OR56A3: variants seen among roughly 807,000 people sequenced by gnomAD.
OR56A3 encodes olfactory receptor family 56 subfamily A member 3.
A neutral mutation model predicts 17.5 loss-of-function variants in OR56A3; 23 were observed. That is an observed-to-expected ratio of 1.32 (90% CI 0.95 to 1.87). The LOEUF (loss-of-function observed/expected upper bound fraction) is 1.87. Among genes scored for constraint, OR56A3 ranks in the 40% most tolerant of loss-of-function variants. The pLI is 0.00. For synonymous variants in OR56A3, 175 were observed against 150.6 expected (o/e 1.16, Z -1.19); for missense variants, 366 against 380.1 (o/e 0.96, Z 0.31).
chr11:5,978,251 A>G, the OR56A3 span, among the ~76,000 whole-genome samples: 1 of 152,104 alleles, frequency 6.6e-6, no homozygotes, highest in Non-Finnish European at 1.5e-5. Flanking sequence ...AAATGTCATT[A>G]GTAGCTTGAT....
the OR56A3 span, among the ~76,000 whole-genome samples, chr11:5,977,417 A>T: frequency 1.6e-4 from 25 of 152,298 alleles, no homozygotes; most frequent in African/African-American, 5.5e-4. Flanking sequence ...GACTGCTATA[A>T]AATGGTATCT....
At chr11:5,981,026 G>A in the OR56A3 span, among the ~76,000 whole-genome samples, 1 of 152,154 alleles carries the variant, frequency 6.6e-6, no homozygotes, top group Non-Finnish European at 1.5e-5. Context: ...TTTGCTGAAA[G>A]AACCACTGTT....
At chr11:5,995,120 G>A in the OR56A3 span, 3 of 578,288 alleles carry the variant, frequency 5.2e-6, no homozygotes, top group East Asian at 3.1e-5. Flanking sequence ...CCCAGGGACC[G>A]GTAGTTGGTG....
the OR56A3 span, among the ~76,000 whole-genome samples, chr11:6,018,692 T>C: frequency 4.6e-5 from 7 of 150,912 alleles, no homozygotes; most frequent in Admixed American, 3.3e-4. Flanking sequence ...ACAATAAAAA[T>C]CAGAATAGAA....
downstream of OR56A3, among the ~76,000 whole-genome samples, chr11:5,955,807 C>G (rs1847929035): frequency 6.6e-6 from 1 of 152,148 alleles, no homozygotes; most frequent in African/African-American, 2.4e-5. Flanking sequence ...GCAAAATAAG[C>G]TCTAGTCTTG....
chr11:6,012,045 G>A, the OR56A3 span, among the ~76,000 whole-genome samples: 3 of 152,340 alleles, frequency 2.0e-5, no homozygotes, highest in East Asian at 1.9e-4. Flanking sequence ...CTGGGCTCCC[G>A]AAAGGGCTGT....
the OR56A3 span, chr11:5,986,655 G>C: frequency 6.2e-7 from 1 of 1,613,850 alleles, no homozygotes; most frequent in Non-Finnish European, 8.5e-7. Context: ...CAGTGGAGGA[G>C]GCCAGAACCA....
chr11:5,960,213 T>G, the OR56A3 span, among the ~76,000 whole-genome samples: 1 of 152,298 alleles, frequency 6.6e-6, no homozygotes, highest in Admixed American at 6.5e-5. Context: ...GTTGGTACTT[T>G]GAAAGAGATT....
At position 5,950,999 on chromosome 11, in the gene OR56A3, T is replaced by G. The variant is rs1847904494; in HGVS notation, c.*2705T>G. 1.3e-5 allele frequency: 2 copies of G among 152,174 alleles called. No individual in the cohort carries two copies. Among genetic ancestry groups the G allele is most frequent in the South Asian group, 4.1e-4 (2 of 4,836 alleles). 9.4% of individuals were successfully genotyped at this position (152,174 alleles called of 1,614,324 possible). ...TGTTTTGGCTATAATTTTTCTTTTT[T>G]ATATGTTTTGCCAAGGAAGTCAGGG... On this transcript the variant is annotated 3_prime_UTR_variant, in exon 3 of 3. Transcript: ENST00000641160.
At chr11:5,958,406 C>G in the OR56A3 span, among the ~76,000 whole-genome samples, 1 of 152,110 alleles carries the variant, frequency 6.6e-6, no homozygotes, top group African/African-American at 2.4e-5. Context: ...GGGCTGTTAC[C>G]TCTCTGAAGT....
At chr11:5,987,029 G>A in the OR56A3 span, 24 of 1,124,662 alleles carry the variant, frequency 2.1e-5, no homozygotes, top group Non-Finnish European at 2.9e-5. Context: ...AGGGAATAAA[G>A]TTAGCTACAG....
the OR56A3 span, among the ~76,000 whole-genome samples, chr11:5,959,271 T>A: frequency 6.6e-6 from 1 of 152,188 alleles, no homozygotes; most frequent in African/African-American, 2.4e-5. Context: ...TTTCTCCACA[T>A]CTCCACCAAT....
At chr11:5,976,751 A>G in the OR56A3 span, among the ~76,000 whole-genome samples, 1 of 151,946 alleles carries the variant, frequency 6.6e-6, no homozygotes, top group East Asian at 1.9e-4. Context: ...TGGAGTATAC[A>G]TATGCAGGTT....
At chr11:5,992,895 A>G in the OR56A3 span, among the ~76,000 whole-genome samples, 2 of 152,202 alleles carry the variant, frequency 1.3e-5, no homozygotes, top group Non-Finnish European at 2.9e-5. Flanking sequence ...GTAGATTGGT[A>G]GATTAGGTAT....
the OR56A3 span, among the ~76,000 whole-genome samples, chr11:5,964,374 T>A: frequency 1.4e-4 from 22 of 152,182 alleles, no homozygotes; most frequent in African/African-American, 5.3e-4. Flanking sequence ...TCTGGGAATA[T>A]TTTTCAACAA....
the OR56A3 span, chr11:6,000,033 A>G: frequency 6.6e-6 from 1 of 152,218 alleles, no homozygotes; most frequent in South Asian, 2.1e-4. Flanking sequence ...AACTAGTTCA[A>G]CCATTGTGGA....
At chr11:5,986,828 T>A in the OR56A3 span, 1 of 1,613,918 alleles carries the variant, frequency 6.2e-7, no homozygotes. Flanking sequence ...AAACCTGGAA[T>A]CCCTACCAGG....
At position 5,942,345 on chromosome 11, in the gene OR56A3, G is replaced by A. The variant is rs1847843704; in HGVS notation, c.-343G>A. On this transcript the variant is annotated 5_prime_UTR_variant, in exon 1 of 3. Transcript: ENST00000641160. ...AATACTGCTGAAGTAGTCTGAGAAG[G>A]AAATAAATAAAGACTGCACCCTGTC... 1 of 152,182 alleles carries A rather than the reference G, an allele frequency of 6.6e-6. No individual in the cohort carries two copies. Among genetic ancestry groups the A allele is most frequent in the African/African-American group, 2.4e-5 (1 of 41,456 alleles). The allele number at this position is 152,182 out of a possible 1,614,324, so 9.4% of individuals were successfully genotyped here.
chr11:6,006,898 G>T, the OR56A3 span: 2 of 152,352 alleles, frequency 1.3e-5, no homozygotes, highest in Admixed American at 6.5e-5. Context: ...TAATTTCCTT[G>T]GCCCCACCTT....
Sources: allele counts gnomAD v4.1 joint callset (sites outside exome capture counted in the v4.1 genomes callset), GRCh38; gene constraint gnomAD v4.1.1; transcripts MANE v1.5; gene names NCBI Gene and HGNC (gene_info 2026-07-23, HGNC 2026-07-21).